Variants in PDE8B observed in about 807,000 individuals in gnomAD.
The protein encoded by PDE8B is high affinity cAMP-specific and IBMX-insensitive 3',5'-cyclic phosphodiesterase 8B.
PDE8B carries 26 observed loss-of-function variants against 101.3 expected under a neutral mutation model. The observed-to-expected ratio is 0.26, with a 90% confidence interval of 0.19 to 0.36. PDE8B has a LOEUF of 0.36. Among genes scored for constraint, PDE8B ranks in the 10% least tolerant of loss-of-function variants. The pLI, the probability that PDE8B is intolerant of heterozygous loss-of-function variation, is 1.00. For missense variants in PDE8B, 810 were observed against 1,163.1 expected (o/e 0.70, Z 4.42); for synonymous variants, 424 against 429.3 (o/e 0.99, Z 0.15).
chr5:77,312,202 C>T (rs547767079), intron 2 of PDE8B, 149 bp downstream of exon 2: 50 of 663,210 alleles, frequency 7.5e-5, no homozygotes, highest in Middle Eastern at 4.1e-4. Context: ...CTCCTGGGTT[C>T]AAGCGATTCT....
chr5:77,110,536 G>T, the PDE8B span, among the ~76,000 whole-genome samples: 1 of 152,202 alleles, frequency 6.6e-6, no homozygotes, highest in Non-Finnish European at 1.5e-5. Context: ...CCAGTGAATA[G>T]TGGGTAATCT....
At chr5:77,134,463 G>A in the PDE8B span, 1 of 152,236 alleles carries the variant, frequency 6.6e-6, no homozygotes, top group Non-Finnish European at 1.5e-5. Context: ...AGCTTGGCAG[G>A]AGACACAGCA....
the PDE8B span, chr5:77,112,091 T>C: frequency 6.6e-6 from 1 of 152,212 alleles, no homozygotes; most frequent in East Asian, 1.9e-4. Flanking sequence ...CACATTTTTC[T>C]GTACCAAATA....
At chr5:77,280,044 T>TCTGG (rs1279164781) in intron 1 of PDE8B, among the ~76,000 whole-genome samples, 1 of 152,148 alleles carries the variant, frequency 6.6e-6, no homozygotes, top group Non-Finnish European at 1.5e-5. Flanking sequence ...ACACCCCACC[T>TCTGG]CTGGGTTGGT....
At chr5:77,105,608 C>T in the PDE8B span, 1 of 152,158 alleles carries the variant, frequency 6.6e-6, no homozygotes, top group Admixed American at 6.5e-5. Context: ...CTGCTATGAA[C>T]ATCTGTATAC....
rs1332304496 is a variant in PDE8B at position 77,211,474 on chromosome 5, G to A, written c.339+210G>A. ...AGGCCCCTGGAGGGGTCCTGGAAGC[G>A]TCCTTAGCTGGTCCTGGGGGACTGG... is the stretch of plus-strand genomic sequence containing the variant. On this transcript the variant is annotated intron_variant, in intron 1 of 21. Transcript: ENST00000264917. The surrounding 1 kb of genome is among the most constrained non-coding windows in gnomAD (Gnocchi z 4.1). Among the ~76,000 whole-genome samples, 4 of 152,244 alleles carry A rather than the reference G, an allele frequency of 2.6e-5. No homozygotes were observed. The highest frequency in any genetic ancestry group is 2.6e-4 in the Admixed American group (4 of 15,294).
At chr5:77,115,288 C>T in the PDE8B span, 1 of 152,160 alleles carries the variant, frequency 6.6e-6, no homozygotes, top group Non-Finnish European at 1.5e-5. Flanking sequence ...TTCTTTTTAT[C>T]TTCTTGGGAC....
chr5:77,122,856 G>T, the PDE8B span, among the ~76,000 whole-genome samples: 1 of 152,156 alleles, frequency 6.6e-6, no homozygotes, highest in Admixed American at 6.6e-5. Context: ...AAGACATTGG[G>T]TAAGAGTCCA....
chr5:77,096,324 C>T, the PDE8B span, among the ~76,000 whole-genome samples: 9,327 of 152,174 alleles, frequency 0.061, 867 homozygotes, highest in African/African-American at 0.2. Context: ...TTGAAGTACC[C>T]TTTGTACTTC....
chr5:77,215,408 C>T (rs2149396318), intron 1 of PDE8B, among the ~76,000 whole-genome samples: 1 of 152,326 alleles, frequency 6.6e-6, no homozygotes, highest in South Asian at 2.1e-4. Flanking sequence ...TTGCCTTCTG[C>T]CATTGTATAT....
At position 77,426,912 on chromosome 5, in the gene PDE8B, G is replaced by A. The variant is rs2151258208; in HGVS notation, c.*358G>A. Reference sequence around the variant, plus strand: ...GCTCATCTCCCAGGATGGTGACTAAGTAGCTTAGCTAGTGATCAGCTCATC... The same window carrying A: ...GCTCATCTCCCAGGATGGTGACTAAATAGCTTAGCTAGTGATCAGCTCATC... On this transcript the variant is annotated 3_prime_UTR_variant, in exon 22 of 22. Transcript: ENST00000264917. The A allele has an allele frequency of 3.1e-6, 1 of 318,000 alleles. No individual in the cohort carries two copies. The highest frequency in any genetic ancestry group is 7.9e-5 in the East Asian group (1 of 12,582). The allele number at this position is 318,000 out of a possible 1,614,324, so 19.7% of individuals were successfully genotyped here.
In PDE8B at chr5:77,425,811, G is replaced by A. The variant is rs530949686; in HGVS notation, c.2463G>A (p.Val821=). The A allele has an allele frequency of 5.0e-6, 8 of 1,613,454 alleles. No homozygotes were observed. The East Asian group carries it at 1.8e-4, about 36-fold the overall frequency. The change falls in exon 21 of 22, where the codon GTG becomes GTA. Residue 821 remains valine, a synonymous_variant. Transcript: ENST00000264917. The part of the protein sequence containing the change: ...KRQGLPVVMP[V]FDRNTCSIPK... ...AGGGACTACCTGTGGTGATGCCAGT[G>A]TTTGACCGGAATACCTGTAGCATCC...
the PDE8B span, among the ~76,000 whole-genome samples, chr5:77,165,975 C>CAAA: frequency 6.9e-4 from 67 of 97,138 alleles, 1 homozygote; most frequent in African/African-American, 3.2e-3. Context: ...GAGACTGCCT[C>CAAA]AAAAAAAAAA....
chr5:77,263,028 G>A (rs1051260981), intron 1 of PDE8B, among the ~76,000 whole-genome samples: 3 of 152,180 alleles, frequency 2.0e-5, no homozygotes, highest in Non-Finnish European at 2.9e-5. Flanking sequence ...GGGCATTGTT[G>A]CCACTTCATA....
chr5:77,259,067 CA>C lies in PDE8B; in HGVS notation c.339+47804del, dbSNP rs1561428728. Among the ~76,000 whole-genome samples, 494 of 82,934 alleles carry C rather than the reference CA, an allele frequency of 6.0e-3. 5 individuals carry two copies. The highest frequency in any genetic ancestry group is 8.0e-3 in the Non-Finnish European group (305 of 38,260). 54.4% of individuals were successfully genotyped at this position (82,934 alleles called of 152,430 possible). A position where few individuals can be genotyped will look rare whatever the true frequency, so the allele number is the denominator to read the frequency against. On this transcript the variant is annotated intron_variant, in intron 1 of 21. Transcript: ENST00000264917. The stretch of plus-strand genomic sequence containing the variant: ...ACACACAGACACACACACACACACA[CA>C]CCCCCGCCCCCCCCCCACACACACA...
chr5:77,248,715 A>G (rs375558195), intron 1 of PDE8B, among the ~76,000 whole-genome samples: 2 of 152,222 alleles, frequency 1.3e-5, no homozygotes, highest in East Asian at 3.8e-4. Flanking sequence ...ATGTGGTGCT[A>G]TGGACTGAAT....
At chr5:77,191,180 C>T in the PDE8B span, among the ~76,000 whole-genome samples, 3 of 152,228 alleles carry the variant, frequency 2.0e-5, no homozygotes, top group Non-Finnish European at 2.9e-5. Flanking sequence ...CCTTTATCCT[C>T]ATTTAACCTT....
Position 77,360,183 on chromosome 5 carries a change from A to C in PDE8B, c.1167+6777A>C, listed in dbSNP as rs141316203. ...TATTTCTTAAAAATTAATGTTATCT[A>C]TTCATCTCTAATGCATTGAAGACCA... On this transcript the variant is annotated intron_variant, in intron 10 of 21. Coordinates refer to ENST00000264917, the MANE Select transcript of PDE8B (RefSeq NM_003719.5). Among the ~76,000 whole-genome samples the C allele has an allele frequency of 5.1e-4, 77 of 152,262 alleles. 1 individual carries two copies. The highest frequency in any genetic ancestry group is 1.8e-3 in the African/African-American group (73 of 41,536).
chr5:77,325,753 T>A (rs776388907), intron 3 of PDE8B, 24 bp downstream of exon 3: 3 of 1,477,050 alleles, frequency 2.0e-6, no homozygotes, highest in Admixed American at 1.7e-5. Context: ...TTTAATATGC[T>A]TAGTAAATGT....
Sources: gnomAD v4.1 joint callset for allele counts (sites outside exome capture counted in the v4.1 genomes callset) on GRCh38, gnomAD v4.1.1 for gene constraint, Gnocchi (gnomAD v3.1) non-coding constraint, MANE v1.5 for transcripts, NCBI Gene and HGNC (gene_info 2026-07-23, HGNC 2026-07-21) for gene names.